The following KIF16B variants were observed in gnomAD, a reference collection of about 807,000 sequenced individuals.
The protein encoded by KIF16B is kinesin-like protein KIF16B.
Under a neutral mutation model 156.3 loss-of-function variants are expected in KIF16B, and 98 were observed. The ratio of observed to expected loss-of-function variants is 0.63; its 90% CI spans 0.53 to 0.74. The LOEUF is 0.74. Among genes scored for constraint, KIF16B ranks in the 30% least tolerant of loss-of-function variants. The pLI, the probability that KIF16B is intolerant of heterozygous loss-of-function variation, is 0.00. For synonymous variants in KIF16B, 564 were observed against 583.7 expected (o/e 0.97, Z 0.49); for missense variants, 1,421 against 1,606.5 (o/e 0.88, Z 1.97).
chr20:16,381,033 G>C (rs2065081017), intron 18 of KIF16B, among the ~76,000 whole-genome samples: 1 of 152,150 alleles, frequency 6.6e-6, no homozygotes, highest in Non-Finnish European at 1.5e-5. Context: ...ATTTTCTATA[G>C]CCTTAGTTTT....
chr20:16,374,156 C>T (rs1308798470), intron 20 of KIF16B, 101 bp downstream of exon 20: 2 of 1,212,586 alleles, frequency 1.6e-6, no homozygotes, highest in Non-Finnish European at 2.2e-6. Context: ...TACTTGTTGC[C>T]CTTAATAGAG....
intron 4 of KIF16B, among the ~76,000 whole-genome samples, chr20:16,514,092 T>A (rs1295098978): frequency 6.6e-6 from 1 of 152,224 alleles, no homozygotes; most frequent in African/African-American, 2.4e-5. Context: ...AGCACTCAAC[T>A]ATAAGATTGG....
At chr20:16,538,858 T>C (rs1268231505) in intron 1 of KIF16B, among the ~76,000 whole-genome samples, 2 of 152,164 alleles carry the variant, frequency 1.3e-5, no homozygotes. Context: ...GGTGTTGTCC[T>C]TGCCCTGAAT....
chr20:16,295,703 G>T (rs1304206110), intron 25 of KIF16B, among the ~76,000 whole-genome samples: 2 of 152,132 alleles, frequency 1.3e-5, no homozygotes, highest in Non-Finnish European at 2.9e-5. Context: ...GTGGCAGGAA[G>T]GGACTATGAA....
At chr20:16,521,800 C>T (rs1368510275) in intron 3 of KIF16B, among the ~76,000 whole-genome samples, 1 of 152,070 alleles carries the variant, frequency 6.6e-6, no homozygotes, top group African/African-American at 2.4e-5. Flanking sequence ...AAAGGGAAGC[C>T]CATCAGACTA....
intron 12 of KIF16B, among the ~76,000 whole-genome samples, chr20:16,445,707 C>T (rs1009639407): frequency 3.9e-5 from 6 of 152,088 alleles, no homozygotes; most frequent in Non-Finnish European, 7.4e-5. Context: ...GGTGCTTACA[C>T]GGTGACACTA....
At chr20:16,492,717 G>C (rs991734690) in intron 12 of KIF16B, among the ~76,000 whole-genome samples, 4 of 152,196 alleles carry the variant, frequency 2.6e-5, no homozygotes, top group African/African-American at 9.7e-5. Context: ...CGCAGCAGCA[G>C]AAGAGACGGA....
intron 12 of KIF16B, among the ~76,000 whole-genome samples, chr20:16,452,337 T>G (rs141245515): frequency 1.3e-3 from 200 of 150,544 alleles, no homozygotes; most frequent in African/African-American, 4.6e-3. Context: ...AACAGAAAAT[T>G]CAGAAAAATA....
At chr20:16,366,885 G>A in intron 22 of KIF16B, 1 of 1,190,820 alleles carries the variant, frequency 8.4e-7, no homozygotes, top group Non-Finnish European at 1.0e-6. Flanking sequence ...TAATGAAGCA[G>A]GCACAAATTT....
chr20:16,473,986 C>T (rs902052976), intron 12 of KIF16B, among the ~76,000 whole-genome samples: 3 of 152,150 alleles, frequency 2.0e-5, no homozygotes, highest in Admixed American at 2.0e-4. Context: ...CGCTCTTTTT[C>T]CAGCCTTGGC....
At chr20:16,570,163 A>T (rs1437090814) in intron 1 of KIF16B, among the ~76,000 whole-genome samples, 1 of 152,248 alleles carries the variant, frequency 6.6e-6, no homozygotes, top group Non-Finnish European at 1.5e-5. Flanking sequence ...CCAATTTTGT[A>T]TATTAAGGTC....
chr20:16,380,307 A>G (rs1204898086), intron 18 of KIF16B, 144 bp from the exon 19 acceptor site: 5 of 690,274 alleles, frequency 7.2e-6, no homozygotes, highest in Non-Finnish European at 1.0e-5. Flanking sequence ...GCTTTCCTTT[A>G]AATTTCCAGC....
intron 1 of KIF16B, among the ~76,000 whole-genome samples, chr20:16,547,402 G>C (rs554338983): frequency 6.6e-6 from 1 of 152,322 alleles, no homozygotes; most frequent in Non-Finnish European, 1.5e-5. Flanking sequence ...ATCAGGCATG[G>C]GTGCCCACAC....
At chr20:16,346,276 G>A (rs2064233040) in intron 23 of KIF16B, among the ~76,000 whole-genome samples, 1 of 152,216 alleles carries the variant, frequency 6.6e-6, no homozygotes, top group Non-Finnish European at 1.5e-5. Context: ...TCCTCGATCT[G>A]CCCGTCTGTG....
intron 12 of KIF16B, among the ~76,000 whole-genome samples, chr20:16,455,750 A>G (rs2067196078): frequency 6.6e-6 from 1 of 152,214 alleles, no homozygotes; most frequent in Admixed American, 6.5e-5. Context: ...ACAGGCTACA[A>G]ACTGCCTGCC....
At chr20:16,368,982 A>G (rs2064750047) in intron 22 of KIF16B, 3 of 985,764 alleles carry the variant, frequency 3.0e-6, no homozygotes, top group Non-Finnish European at 3.6e-6. Flanking sequence ...TTTTAGGTAG[A>G]TTAAAACATT....
intron 12 of KIF16B, among the ~76,000 whole-genome samples, chr20:16,467,704 A>G (rs2067532722): frequency 7.2e-6 from 1 of 138,044 alleles, no homozygotes; most frequent in South Asian, 2.4e-4. Flanking sequence ...AAACATTTAA[A>G]GTTTTAATAG....
At chr20:16,336,193 TAAAC>T (rs369780289) in intron 23 of KIF16B, among the ~76,000 whole-genome samples, 178 bp from the exon 24 acceptor site, 16 of 152,374 alleles carry the variant, frequency 1.1e-4, no homozygotes, top group African/African-American at 3.8e-4. Context: ...GTACTTTACT[TAAAC>T]ATGCAGCTTT....
intron 15 of KIF16B, among the ~76,000 whole-genome samples, chr20:16,407,921 A>G (rs1191756481): frequency 6.6e-6 from 1 of 152,158 alleles, no homozygotes; most frequent in East Asian, 1.9e-4. Flanking sequence ...TTCCTAAGAT[A>G]TGCTATCAGT....
Sources: allele counts gnomAD v4.1 joint callset (sites outside exome capture counted in the v4.1 genomes callset), GRCh38; gene constraint gnomAD v4.1.1; transcripts MANE v1.5; gene names NCBI Gene and HGNC (gene_info 2026-07-23, HGNC 2026-07-21).